OTOP3: variants seen among roughly 807,000 people sequenced by gnomAD.
The protein encoded by OTOP3 is otopetrin 3, also known as proton channel OTOP3.
In OTOP3, 41 loss-of-function variants were observed where a neutral mutation model predicts 50.8. That is an observed-to-expected ratio of 0.81 (90% confidence interval 0.63 to 1.05). The LOEUF is 1.05. Ranked by LOEUF, OTOP3 falls within the 50% of genes least tolerant of loss-of-function variation. OTOP3 has a pLI of 0.00. For missense variants in OTOP3, 788 were observed against 760.8 expected, an observed-to-expected ratio of 1.04 and a Z score of -0.42; for synonymous variants, 320 against 324.4, an observed-to-expected ratio of 0.99 and a Z score of 0.14.
chr17:74,939,720 G>T (rs2039152393), intron 1 of OTOP3, among the ~76,000 whole-genome samples: 1 of 152,062 alleles, frequency 6.6e-6, no homozygotes, highest in Non-Finnish European at 1.5e-5. Flanking sequence ...GTTATGCCAG[G>T]CACTCGTGGG....
chr17:74,941,548 C>A lies in OTOP3; in HGVS notation c.175C>A (p.Leu59Met). 1 of 1,613,214 alleles carries A rather than the reference C, an allele frequency of 6.2e-7. No individual in the cohort carries two copies. The highest frequency in any genetic ancestry group is 8.5e-7 in the Non-Finnish European group (1 of 1,179,362). Reference sequence around the variant, plus strand: ...GCTGGTGAGGCATTTCTCTCTGCTGCTGCGGCGGGACCGGCAGGCCCAGAA... The same window carrying A: ...GCTGGTGAGGCATTTCTCTCTGCTGATGCGGCGGGACCGGCAGGCCCAGAA... ...SWLVRHFSLL[L>M]RRDRQAQKAG... The change falls in exon 2 of 7, where the codon CTG becomes ATG. Residue 59 changes from leucine to methionine, a missense_variant. Leu to Met is a conservative substitution (Grantham distance 15). Transcript: ENST00000328801.
At chr17:74,941,245 T>C (rs1442374445) in intron 1 of OTOP3, 148 bp from the exon 2 acceptor site, 1 of 787,350 alleles carries the variant, frequency 1.3e-6, no homozygotes, top group African/African-American at 1.8e-5. Context: ...GTAAGATAGA[T>C]GGGGCAGCTG....
At chr17:74,942,909 C>T (rs961104928) in intron 3 of OTOP3, among the ~76,000 whole-genome samples, 3 of 148,626 alleles carry the variant, frequency 2.0e-5, no homozygotes, top group African/African-American at 7.4e-5. Context: ...TGCGCCACTG[C>T]ACTCCAGCCT....
chr17:74,949,169 G>A, intron 6 of OTOP3, 77 bp from the exon 7 acceptor site: 1 of 1,499,244 alleles, frequency 6.7e-7, no homozygotes, highest in Non-Finnish European at 9.2e-7. Flanking sequence ...CTGCAGGTTT[G>A]GGGGCTGCCT....
chr17:74,941,853 AG>A, intron 2 of OTOP3, 44 bp downstream of exon 2: 1 of 1,591,118 alleles, frequency 6.3e-7, no homozygotes, highest in Non-Finnish European at 8.6e-7. Flanking sequence ...GTGGGGAGGG[AG>A]AGCCGGTTCC....
intron 5 of OTOP3, 62 bp downstream of exon 5, chr17:74,943,786 A>ACG: frequency 7.8e-7 from 1 of 1,290,300 alleles, no homozygotes; most frequent in Non-Finnish European, 1.1e-6. Context: ...ACACACACAC[A>ACG]CACACACATA....
intron 1 of OTOP3, 30 bp from the exon 2 acceptor site, chr17:74,941,363 G>T: frequency 6.9e-7 from 1 of 1,455,120 alleles, no homozygotes. Context: ...CAGCCTGGCA[G>T]TTAACCCAGG....
chr17:74,937,271 C>T lies in OTOP3; in HGVS notation c.19+1331C>T, dbSNP rs142030207. Among the ~76,000 whole-genome samples the T allele has an allele frequency of 5.5e-3, 832 of 152,214 alleles. 4 individuals carry two copies. The highest frequency in any genetic ancestry group is 9.0e-3 in the Non-Finnish European group (614 of 68,012). ...TGAGCCACTGCAGCCAGCCTCGTTCCGGAAGTCTTTATTGAGCATCTACTA... is the reference window on the plus strand; with the variant it reads ...TGAGCCACTGCAGCCAGCCTCGTTCTGGAAGTCTTTATTGAGCATCTACTA... On this transcript the variant is annotated intron_variant, in intron 1 of 6. Transcript: ENST00000328801.
At position 74,947,093 on chromosome 17, in the gene OTOP3, G is replaced by T. The variant is rs368129457; in HGVS notation, c.1184G>T (p.Ser395Ile). Reference sequence around the variant, plus strand: ...GACACGGTCAAGAACCCTACCCGCAGCCTGGATGTGGTGCTGCTAATGGGT... The same window carrying T: ...GACACGGTCAAGAACCCTACCCGCATCCTGGATGTGGTGCTGCTAATGGGT... ...ELDTVKNPTR[S>I]LDVVLLMGAA... Residue 395 changes from serine (S) to isoleucine (I), a missense_variant, in exon 6 of 7, where the codon AGC becomes ATC. Coordinates refer to ENST00000328801, the MANE Select transcript of OTOP3 (RefSeq NM_001272005.2). The T allele has an allele frequency of 1.9e-6, 3 of 1,614,138 alleles. No homozygotes were observed. The highest frequency in any genetic ancestry group is 2.5e-6 in the Non-Finnish European group (3 of 1,180,048).
chr17:74,942,092 C>T (rs2039182590), intron 3 of OTOP3, 55 bp downstream of exon 3: 2 of 1,546,058 alleles, frequency 1.3e-6, no homozygotes, highest in Admixed American at 1.9e-5. Context: ...TCTACCCATG[C>T]CATGCACACA....
chr17:74,949,575 G>C lies in OTOP3; in HGVS notation c.*159G>C. The C allele has an allele frequency of 1.2e-5, 10 of 826,890 alleles. No homozygotes were observed. In the South Asian group the frequency reaches 1.5e-4, roughly 12 times the overall value. 51.2% of individuals were successfully genotyped at this position (826,890 alleles called of 1,614,324 possible). A position where few individuals can be genotyped will look rare whatever the true frequency, so the allele number is the denominator to read the frequency against. On this transcript the variant is annotated 3_prime_UTR_variant, in exon 7 of 7. Coordinates refer to ENST00000328801, the MANE Select transcript of OTOP3 (RefSeq NM_001272005.2). ...TCACTGAAGGGGAGGGCACTGCCTAGAGCCAGAGGCCAACAGCAGGGGCCT... is the reference window on the plus strand; with the variant it reads ...TCACTGAAGGGGAGGGCACTGCCTACAGCCAGAGGCCAACAGCAGGGGCCT...
At chr17:74,937,758 G>A (rs2039133332) in intron 1 of OTOP3, among the ~76,000 whole-genome samples, 1 of 152,182 alleles carries the variant, frequency 6.6e-6, no homozygotes. Context: ...AGTTAAGCAG[G>A]ACCCGGTCTC....
chr17:74,948,435 T>G (rs1449844155), intron 6 of OTOP3, among the ~76,000 whole-genome samples: 1 of 151,822 alleles, frequency 6.6e-6, no homozygotes, highest in Non-Finnish European at 1.5e-5. Context: ...CTGAGGTGAG[T>G]GGATCATTTG....
chr17:74,948,358 T>C (rs538528867), intron 6 of OTOP3, among the ~76,000 whole-genome samples: 19 of 152,112 alleles, frequency 1.2e-4, no homozygotes, highest in African/African-American at 4.3e-4. Flanking sequence ...ACCCTGTCTC[T>C]ACAAAAAAAA....
Position 74,944,356 on chromosome 17 carries a change from G to T in OTOP3, c.751+632G>T, listed in dbSNP as rs1394300899. 2.0e-5 allele frequency among the ~76,000 whole-genome samples: 3 copies of T among 152,150 alleles called. 1 individual carries two copies. In the South Asian group the frequency reaches 6.2e-4, roughly 32 times the overall value. ...TTCACATACCCGCTGCATCAGTCAC[G>T]ACACGCCTGTGTACTGTGAGCATTC... is the stretch of plus-strand genomic sequence containing the variant. On this transcript the variant is annotated intron_variant, in intron 5 of 6. Transcript: ENST00000328801.
intron 6 of OTOP3, among the ~76,000 whole-genome samples, chr17:74,948,346 A>G (rs762411335): frequency 6.6e-6 from 1 of 152,122 alleles, no homozygotes; most frequent in African/African-American, 2.4e-5. Context: ...CAACACAGGG[A>G]GACCCTGTCT....
chr17:74,943,394 C>G (rs374381738), intron 4 of OTOP3, 50 bp downstream of exon 4: 18 of 1,587,716 alleles, frequency 1.1e-5, no homozygotes, highest in Middle Eastern at 3.3e-4. Flanking sequence ...TCCTCCCCAC[C>G]ACTTCCCTGG....
Position 74,941,411 on chromosome 17 carries a change from C to A in OTOP3, c.38C>A (p.Pro13His), listed in dbSNP as rs768782476. 1 of 1,545,282 alleles carries A rather than the reference C, an allele frequency of 6.5e-7. No individual in the cohort carries two copies. Among genetic ancestry groups the A allele is most frequent in the Non-Finnish European group, 8.7e-7 (1 of 1,145,352 alleles). ...LPASAPAEATPMPSSEAQETE... is the reference protein window; with the variant it reads ...LPASAPAEATHMPSSEAQETE... ...TCTCCAGCCCCTGCTGAGGCTACAC[C>A]CATGCCTTCTTCAGAAGCACAGGAG... is the stretch of plus-strand genomic sequence containing the variant. Residue 13 changes from proline to histidine, a missense_variant, in exon 2 of 7, where the codon CCC becomes CAC. By Grantham distance (77) the Pro-to-His change is moderately conservative. Transcript: ENST00000328801.
rs114316267 is a variant in OTOP3 at position 74,944,854 on chromosome 17, A to G, written c.751+1130A>G. The stretch of plus-strand genomic sequence containing the variant: ...TAATTATTAATATTTGGCCATATTT[A>G]TTTATTTTTAATTTTTGCTGAAGTA... On this transcript the variant is annotated intron_variant, in intron 5 of 6. Coordinates refer to ENST00000328801, the MANE Select transcript of OTOP3 (RefSeq NM_001272005.2). Among the ~76,000 whole-genome samples the G allele has an allele frequency of 8.1e-3, 1,227 of 152,280 alleles. 28 individuals are homozygous for G. The highest frequency in any genetic ancestry group is 0.028 in the African/African-American group (1,175 of 41,554).
Sources: gnomAD v4.1 joint callset for allele counts (sites outside exome capture counted in the v4.1 genomes callset) on GRCh38, gnomAD v4.1.1 for gene constraint, MANE v1.5 for transcripts, NCBI Gene and HGNC (gene_info 2026-07-23, HGNC 2026-07-21) for gene names.